The following CEP112 variants were observed in gnomAD, a reference collection of about 807,000 sequenced individuals.
The protein encoded by CEP112 is centrosomal protein 112.
In CEP112, 127 loss-of-function variants were observed where a neutral mutation model predicts 153.0. That is an observed-to-expected ratio of 0.83 (90% CI 0.72 to 0.96). CEP112 has a LOEUF of 0.96. Ranked by LOEUF, CEP112 falls within the 40% of genes least tolerant of loss-of-function variation. The pLI, the probability that CEP112 is intolerant of heterozygous loss-of-function variation, is 0.00. For synonymous variants in CEP112, 358 were observed against 374.4 expected (o/e 0.96, Z 0.51); for missense variants, 1,089 against 1,101.2 (o/e 0.99, Z 0.16).
intron 17 of CEP112, among the ~76,000 whole-genome samples, chr17:65,964,151 G>T (rs76731691): frequency 0.044 from 6,771 of 152,242 alleles, 200 homozygotes; most frequent in Middle Eastern, 0.065. Flanking sequence ...TAATGAACTG[G>T]GACCTGGGTA....
chr17:65,899,502 A>G (rs1265705221), intron 20 of CEP112, among the ~76,000 whole-genome samples: 1 of 152,166 alleles, frequency 6.6e-6, no homozygotes, highest in African/African-American at 2.4e-5. Context: ...AATTATTAGA[A>G]TAACAACCTA....
rs1303731547 is a variant in CEP112, at chr17:65,821,513, A to T, written c.2394+30291T>A. On this transcript the variant is annotated intron_variant, in intron 21 of 26. Coordinates refer to ENST00000535342, the MANE Select transcript of CEP112 (RefSeq NM_001199165.4). Reference sequence around the variant, plus strand: ...ATATATAATTATATATATATATATAATTATATATATATATATATATATATA... The same window carrying T: ...ATATATAATTATATATATATATATATTTATATATATATATATATATATATA... 6.0e-3 allele frequency among the ~76,000 whole-genome samples: 508 copies of T among 84,536 alleles called. 11 individuals are homozygous for T. Among genetic ancestry groups the T allele is most frequent in the Non-Finnish European group, 0.01 (443 of 43,236 alleles). 55.5% of individuals were successfully genotyped at this position (84,536 alleles called of 152,430 possible). A position where few individuals can be genotyped will look rare whatever the true frequency, so the allele number is the denominator to read the frequency against.
At chr17:66,054,890 G>A (rs1291868683) in intron 11 of CEP112, among the ~76,000 whole-genome samples, 1 of 152,128 alleles carries the variant, frequency 6.6e-6, no homozygotes, top group Admixed American at 6.5e-5. Flanking sequence ...CCAAGTAGCT[G>A]GGATCAAAGG....
At position 66,035,010 on chromosome 17, in the gene CEP112, T is replaced by TA. The variant is rs1568411629; in HGVS notation, c.1219-4988_1219-4987insT. On this transcript the variant is annotated intron_variant, in intron 12 of 26. Coordinates refer to ENST00000535342, the MANE Select transcript of CEP112 (RefSeq NM_001199165.4). ...TATATATACATATATATATATATAT[T>TA]TTTTTTTTTAGTAGAGATGGAGTTT... 2.0e-4 allele frequency among the ~76,000 whole-genome samples: 14 copies of TA among 69,380 alleles called. 1 individual carries two copies. The highest frequency in any genetic ancestry group is 3.6e-4 in the Admixed American group (2 of 5,572). 45.5% of individuals were successfully genotyped at this position (69,380 alleles called of 152,430 possible). A position where few individuals can be genotyped will look rare whatever the true frequency, so the allele number is the denominator to read the frequency against.
chr17:66,123,381 T>C (rs1357446168), intron 6 of CEP112, among the ~76,000 whole-genome samples: 4 of 152,220 alleles, frequency 2.6e-5, no homozygotes, highest in African/African-American at 7.2e-5. Context: ...AAACTTCATC[T>C]TCTTTGCCAC....
intron 17 of CEP112, among the ~76,000 whole-genome samples, chr17:65,971,258 T>C (rs1468768916): frequency 1.3e-5 from 2 of 152,218 alleles, no homozygotes; most frequent in East Asian, 3.8e-4. Context: ...ATCAAATGCG[T>C]ACTGCACACA....
intron 4 of CEP112, among the ~76,000 whole-genome samples, chr17:66,155,120 G>C (rs1316195776): frequency 6.6e-6 from 1 of 152,078 alleles, no homozygotes; most frequent in Non-Finnish European, 1.5e-5. Context: ...AATAGAAACA[G>C]CTCCAGTCAG....
At chr17:65,812,077 T>C (rs889358629) in intron 21 of CEP112, among the ~76,000 whole-genome samples, 3 of 151,954 alleles carry the variant, frequency 2.0e-5, no homozygotes, top group Admixed American at 6.6e-5. Flanking sequence ...GATCTCGGCT[T>C]ACTGCAAGCT....
chr17:65,970,676 G>T (rs934404036), intron 17 of CEP112, among the ~76,000 whole-genome samples: 1 of 151,532 alleles, frequency 6.6e-6, no homozygotes, highest in Non-Finnish European at 1.5e-5. Flanking sequence ...CATATTACAC[G>T]CATATCACAC....
intron 12 of CEP112, among the ~76,000 whole-genome samples, chr17:66,036,338 G>A (rs373580839): frequency 6.6e-6 from 1 of 151,954 alleles, no homozygotes; most frequent in Admixed American, 6.6e-5. Context: ...TTAAAAATGT[G>A]TTAAGAGGGT....
intron 24 of CEP112, chr17:65,654,968 A>G (rs192534159): frequency 2.2e-5 from 15 of 681,546 alleles, no homozygotes; most frequent in African/African-American, 3.6e-5. Flanking sequence ...AGCCGGGCCA[A>G]TAGTGATTGG....
At chr17:66,085,417 C>G (rs905655613) in intron 8 of CEP112, among the ~76,000 whole-genome samples, 2 of 152,118 alleles carry the variant, frequency 1.3e-5, no homozygotes, top group African/African-American at 4.8e-5. Flanking sequence ...ATCTAAAATG[C>G]AAATGTGCCA....
intron 11 of CEP112, among the ~76,000 whole-genome samples, chr17:66,055,185 TAGGGC>T (rs1440596099): frequency 6.6e-6 from 1 of 152,148 alleles, no homozygotes; most frequent in Non-Finnish European, 1.5e-5. Flanking sequence ...AGATGGAAGC[TAGGGC>T]AGAATGCAGG....
chr17:66,152,241 G>A (rs230572), intron 4 of CEP112, among the ~76,000 whole-genome samples: 49,499 of 152,024 alleles, frequency 0.33, 9,728 homozygotes, highest in East Asian at 0.83. Flanking sequence ...GGCTCAAGAG[G>A]AAGTAAGAAA....
intron 4 of CEP112, among the ~76,000 whole-genome samples, chr17:66,162,153 C>T (rs2071739667): frequency 6.6e-6 from 1 of 151,974 alleles, no homozygotes; most frequent in Admixed American, 6.6e-5. Flanking sequence ...ACCATTTTTT[C>T]CATACTTAAA....
At chr17:65,877,094 G>A (rs1297501271) in intron 20 of CEP112, among the ~76,000 whole-genome samples, 2 of 152,244 alleles carry the variant, frequency 1.3e-5, no homozygotes, top group African/African-American at 4.8e-5. Context: ...GGCTAGAGTC[G>A]GCTTGGTAAG....
intron 20 of CEP112, among the ~76,000 whole-genome samples, chr17:65,896,857 T>C (rs1264449273): frequency 1.3e-5 from 2 of 152,004 alleles, no homozygotes; most frequent in African/African-American, 2.4e-5. Flanking sequence ...CTAAAGAAAA[T>C]AGAGAATTGT....
intron 4 of CEP112, among the ~76,000 whole-genome samples, chr17:66,136,040 G>C (rs972114493): frequency 6.6e-6 from 1 of 152,102 alleles, no homozygotes; most frequent in African/African-American, 2.4e-5. Context: ...CCAGATGAGA[G>C]GCTCCTGTAC....
chr17:65,857,085 TAAA>T (rs2058147140), intron 20 of CEP112, among the ~76,000 whole-genome samples: 1 of 152,202 alleles, frequency 6.6e-6, no homozygotes, highest in South Asian at 2.1e-4. Context: ...CCAGTGCATA[TAAA>T]AGTTATAGAC....
Sources: allele counts gnomAD v4.1 joint callset (sites outside exome capture counted in the v4.1 genomes callset), GRCh38; gene constraint gnomAD v4.1.1; transcripts MANE v1.5; gene names NCBI Gene and HGNC (gene_info 2026-07-23, HGNC 2026-07-21).